The following ARHGAP21 variants were observed in gnomAD, a reference collection of about 807,000 sequenced individuals.
ARHGAP21 encodes Rho GTPase activating protein 21.
Under a neutral mutation model 164.6 loss-of-function variants are expected in ARHGAP21, and 38 were observed. The ratio of observed to expected loss-of-function variants is 0.23; its 90% CI spans 0.18 to 0.30. The LOEUF is 0.30. ARHGAP21 is among the 10% of genes least tolerant of loss of function. The probability of loss-of-function intolerance (pLI) is 1.00; values close to 1 mark genes in which losing one functional copy is unlikely to be tolerated. For synonymous variants in ARHGAP21, 766 were observed against 857.9 expected (o/e 0.89, Z 1.87); for missense variants, 1,822 against 2,370.7 (o/e 0.77, Z 4.81).
intron 4 of ARHGAP21, among the ~76,000 whole-genome samples, chr10:24,662,752 G>A (rs1219778222): frequency 6.6e-6 from 1 of 152,058 alleles, no homozygotes; most frequent in Non-Finnish European, 1.5e-5. Flanking sequence ...TAAGGTACTT[G>A]AATTTCTATT....
intron 2 of ARHGAP21, among the ~76,000 whole-genome samples, chr10:24,704,226 A>G (rs1843986857): frequency 6.6e-6 from 1 of 152,074 alleles, no homozygotes; most frequent in Non-Finnish European, 1.5e-5. Context: ...GTGGTGACAC[A>G]GAAGCCACAG....
At chr10:24,692,968 C>T (rs1244914130) in intron 2 of ARHGAP21, among the ~76,000 whole-genome samples, 1 of 151,480 alleles carries the variant, frequency 6.6e-6, no homozygotes, top group Non-Finnish European at 1.5e-5. Flanking sequence ...AAAGATAATG[C>T]TGAGTGAAAA....
At chr10:24,589,181 TAGAG>T (rs1186783628) in intron 25 of ARHGAP21, 86 bp downstream of exon 25, 2 of 1,082,960 alleles carry the variant, frequency 1.8e-6, no homozygotes. Context: ...TCATTAGACA[TAGAG>T]AGGAATGCAT....
chr10:24,622,485 T>TATATATATAC (rs1834675647), intron 8 of ARHGAP21, among the ~76,000 whole-genome samples: 2 of 123,400 alleles, frequency 1.6e-5, no homozygotes. Context: ...TATATATATA[T>TATATATATAC]ACTGATGCAG....
chr10:24,620,264 G>A lies in ARHGAP21; in HGVS notation c.1631C>T (p.Pro544Leu), dbSNP rs763661754. 23 of 1,613,756 alleles carry A rather than the reference G, an allele frequency of 1.4e-5. No individual in the cohort carries two copies. The highest frequency in any genetic ancestry group is 3.3e-4 in the Middle Eastern group (2 of 6,078). Reference sequence around the variant, plus strand: ...AGATTTATGAATTTCTTGCTGCCTAGGTCTTTCACAAATACCTCGTCTATC... The same window carrying A: ...AGATTTATGAATTTCTTGCTGCCTAAGTCTTTCACAAATACCTCGTCTATC... ...QDDRRGICER[P>L]RQQEIHKSFR... Residue 544 changes from proline (P) to leucine (L), a missense_variant, in exon 9 of 26, where the codon CCT becomes CTT. Pro to Leu is a moderately conservative substitution (Grantham distance 98). This residue lies in a region of ARHGAP21 where 1,090 missense variants were observed against 1,378.9 expected (regional missense o/e 0.79). Transcript: ENST00000396432.
At chr10:24,631,360 C>G (rs186175462) in intron 6 of ARHGAP21, among the ~76,000 whole-genome samples, 9 of 151,968 alleles carry the variant, frequency 5.9e-5, no homozygotes, top group African/African-American at 1.9e-4. Context: ...GTGAAACTCC[C>G]TCTCAAAAAA....
chr10:24,613,630 C>T (rs556256112), intron 9 of ARHGAP21, among the ~76,000 whole-genome samples: 1 of 152,138 alleles, frequency 6.6e-6, no homozygotes, highest in South Asian at 2.1e-4. Context: ...GAATAAATTC[C>T]CTATTCACGT....
rs574019372 is a variant in ARHGAP21, at chr10:24,639,254, G to C, written c.269-4151C>G. ...TAGTAGTAGTCTATCTGAAATTCAA[G>C]TTTAATTGAGCATTCTGTATTTCAT... On this transcript the variant is annotated intron_variant, in intron 4 of 25. Coordinates refer to ENST00000396432, the MANE Select transcript of ARHGAP21 (RefSeq NM_020824.4). Among the ~76,000 whole-genome samples the C allele has an allele frequency of 2.7e-4, 41 of 152,180 alleles. No homozygotes were observed. In the South Asian group the frequency reaches 8.3e-3, roughly 31 times the overall value.
intron 7 of ARHGAP21, among the ~76,000 whole-genome samples, chr10:24,627,636 T>G (rs2131281073): frequency 6.6e-6 from 1 of 152,298 alleles, no homozygotes; most frequent in African/African-American, 2.4e-5. Context: ...ACTGAACTGG[T>G]TTTTCTCTGT....
At chr10:24,590,105 T>G in intron 24 of ARHGAP21, 1 of 1,094,942 alleles carries the variant, frequency 9.1e-7, no homozygotes, top group Non-Finnish European at 1.2e-6. Context: ...CTTTCAACAT[T>G]AGGGAAATTG....
intron 6 of ARHGAP21, among the ~76,000 whole-genome samples, chr10:24,630,821 A>G (rs181017815): frequency 2.0e-5 from 3 of 152,282 alleles, no homozygotes; most frequent in Admixed American, 6.5e-5. Context: ...TAATTTTGCA[A>G]TATTCCCTCC....
chr10:24,634,180 A>G lies in ARHGAP21; in HGVS notation c.362-700T>C, dbSNP rs1836144380. Among the ~76,000 whole-genome samples the G allele has an allele frequency of 1.3e-5, 2 of 152,048 alleles. 1 individual carries two copies. ...TACATTCTAAAGAAATCCCACATGC[A>G]TACTAATATACATATTATACATATT... is the stretch of plus-strand genomic sequence containing the variant. On this transcript the variant is annotated intron_variant, in intron 5 of 25. Transcript: ENST00000396432.
At chr10:24,591,747 G>C in intron 22 of ARHGAP21, 64 bp from the exon 23 acceptor site, 1 of 1,601,462 alleles carries the variant, frequency 6.2e-7, no homozygotes, top group South Asian at 1.1e-5. Context: ...AGATCTTGGA[G>C]GATAGTATAG....
chr10:24,595,365 C>T (rs568720993), intron 19 of ARHGAP21, among the ~76,000 whole-genome samples, 175 bp from the exon 20 acceptor site: 1 of 152,124 alleles, frequency 6.6e-6, no homozygotes, highest in Admixed American at 6.5e-5. Flanking sequence ...TTTACACAGC[C>T]TGTCCATTCC....
chr10:24,692,455 G>A (rs1037549747), intron 2 of ARHGAP21, among the ~76,000 whole-genome samples: 1 of 152,168 alleles, frequency 6.6e-6, no homozygotes, highest in South Asian at 2.1e-4. Context: ...CCATTTCTAA[G>A]AGTCTGTCTT....
chr10:24,703,961 G>A (rs1271467860), intron 2 of ARHGAP21, among the ~76,000 whole-genome samples: 1 of 152,162 alleles, frequency 6.6e-6, no homozygotes. Flanking sequence ...TGAAAACCTT[G>A]AATTAGTCAT....
intron 2 of ARHGAP21, among the ~76,000 whole-genome samples, chr10:24,684,564 C>T (rs1353041964): frequency 6.6e-6 from 1 of 152,156 alleles, no homozygotes; most frequent in Non-Finnish European, 1.5e-5. Flanking sequence ...AAAAACAAAA[C>T]TTCCCAGGAG....
At chr10:24,705,533 C>G (rs535383497) in intron 2 of ARHGAP21, among the ~76,000 whole-genome samples, 100 of 152,274 alleles carry the variant, frequency 6.6e-4, no homozygotes, top group African/African-American at 2.4e-3. Context: ...CCCCAAAGTA[C>G]CACTGGGAAC....
chr10:24,591,863 TAC>T (rs1182575825), intron 22 of ARHGAP21, 22 bp downstream of exon 22: 9 of 1,599,204 alleles, frequency 5.6e-6, no homozygotes, highest in East Asian at 2.2e-5. Context: ...AGCATGAACT[TAC>T]AGAGATGAAG....
Sources: allele counts gnomAD v4.1 joint callset (sites outside exome capture counted in the v4.1 genomes callset), GRCh38; gene constraint gnomAD v4.1.1; regional missense constraint gnomAD v4.1.1; transcripts MANE v1.5; gene names NCBI Gene and HGNC (gene_info 2026-07-23, HGNC 2026-07-21).